CENPW: variants seen among roughly 807,000 people sequenced by gnomAD.
CENPW encodes the protein cancer-up-regulated gene 2 protein.
A neutral mutation model predicts 11.1 loss-of-function variants in CENPW; 3 were observed. The observed-to-expected ratio is 0.27, with a 90% confidence interval of 0.12 to 0.70. The LOEUF (loss-of-function observed/expected upper bound fraction) is 0.70. Among genes scored for constraint, CENPW ranks in the 30% least tolerant of loss-of-function variants. The pLI, the probability that CENPW is intolerant of heterozygous loss-of-function variation, is 0.77. For synonymous variants in CENPW, 38 were observed against 42.0 expected (o/e 0.91, Z 0.37); for missense variants, 100 against 105.6 (o/e 0.95, Z 0.23).
chr6:126,350,567 G>T (rs2128290356), downstream of CENPW, among the ~76,000 whole-genome samples: 1 of 152,202 alleles, frequency 6.6e-6, no homozygotes, highest in South Asian at 2.1e-4. Context: ...AATTTTGGGG[G>T]ACACAAACAT....
chr6:126,353,270 C>G (rs1462916026), downstream of CENPW, among the ~76,000 whole-genome samples: 9 of 148,648 alleles, frequency 6.1e-5, no homozygotes, highest in African/African-American at 9.9e-5. Context: ...TACTATTTTC[C>G]TGTAGTAACT....
At chr6:126,463,120 C>G in the CENPW span, among the ~76,000 whole-genome samples, 6 of 152,064 alleles carry the variant, frequency 3.9e-5, no homozygotes, top group South Asian at 1.2e-3. Context: ...TGACATTATA[C>G]AGACACATTC....
At chr6:126,381,619 C>T in the CENPW span, among the ~76,000 whole-genome samples, 1 of 152,106 alleles carries the variant, frequency 6.6e-6, no homozygotes, top group Admixed American at 6.5e-5. Flanking sequence ...ATCTCAGCAC[C>T]CTCTAGCACC....
At chr6:126,425,267 T>C in the CENPW span, among the ~76,000 whole-genome samples, 1 of 152,130 alleles carries the variant, frequency 6.6e-6, no homozygotes, top group Non-Finnish European at 1.5e-5. Flanking sequence ...AAAAAATTAC[T>C]TGGCAGGAAA....
At chr6:126,414,703 A>G in the CENPW span, among the ~76,000 whole-genome samples, 2 of 152,048 alleles carry the variant, frequency 1.3e-5, no homozygotes, top group Non-Finnish European at 2.9e-5. Flanking sequence ...TGACCGAATG[A>G]TGCATCTCAA....
the CENPW span, among the ~76,000 whole-genome samples, chr6:126,425,317 C>G: frequency 6.6e-6 from 1 of 152,038 alleles, no homozygotes; most frequent in Non-Finnish European, 1.5e-5. Flanking sequence ...CTTTCCTTTC[C>G]TTCTGTAGTG....
the CENPW span, among the ~76,000 whole-genome samples, chr6:126,419,595 AATAAC>A: frequency 1.3e-5 from 2 of 152,206 alleles, no homozygotes; most frequent in African/African-American, 4.8e-5. Context: ...TACACAAACC[AATAAC>A]ATAACACAAA....
the CENPW span, among the ~76,000 whole-genome samples, chr6:126,364,098 G>C: frequency 1.3e-5 from 2 of 152,104 alleles, no homozygotes; most frequent in African/African-American, 4.8e-5. Context: ...TGTACTCTAG[G>C]CTTAGTTCTA....
the CENPW span, among the ~76,000 whole-genome samples, chr6:126,369,645 T>C: frequency 6.6e-6 from 1 of 152,208 alleles, no homozygotes. Flanking sequence ...TTCTTGCTGA[T>C]GTTTTTGAGT....
the CENPW span, among the ~76,000 whole-genome samples, chr6:126,421,751 C>T: frequency 3.3e-5 from 5 of 152,020 alleles, no homozygotes; most frequent in East Asian, 1.9e-4. Context: ...AGATTGTAGC[C>T]GAATGAATGC....
At chr6:126,402,928 T>A in the CENPW span, among the ~76,000 whole-genome samples, 1 of 152,070 alleles carries the variant, frequency 6.6e-6, no homozygotes, top group Non-Finnish European at 1.5e-5. Context: ...GTGGAGCAAG[T>A]CTATCAATGC....
the CENPW span, among the ~76,000 whole-genome samples, chr6:126,472,975 C>A: frequency 6.6e-6 from 1 of 152,174 alleles, no homozygotes. Flanking sequence ...AGATGCTCAA[C>A]ATTATTAGAC....
the CENPW span, among the ~76,000 whole-genome samples, chr6:126,389,028 TTC>T: frequency 6.6e-6 from 1 of 150,568 alleles, no homozygotes; most frequent in Non-Finnish European, 1.5e-5. Context: ...GTAGATCTCA[TTC>T]TGTTTCCTAA....
At chr6:126,428,465 T>C in the CENPW span, among the ~76,000 whole-genome samples, 3 of 152,324 alleles carry the variant, frequency 2.0e-5, no homozygotes, top group African/African-American at 7.2e-5. Context: ...AGAGTTAATA[T>C]GTTCCTTTGT....
At chr6:126,459,135 G>A in the CENPW span, among the ~76,000 whole-genome samples, 8 of 151,294 alleles carry the variant, frequency 5.3e-5, no homozygotes, top group Non-Finnish European at 1.0e-4. Flanking sequence ...GCCTATTTCT[G>A]TTCTGATTTT....
At chr6:126,412,770 C>T in the CENPW span, among the ~76,000 whole-genome samples, 1 of 152,066 alleles carries the variant, frequency 6.6e-6, no homozygotes, top group Non-Finnish European at 1.5e-5. Flanking sequence ...TTTTTTCCTA[C>T]CTTTTTTAGA....
chr6:126,400,266 C>T, the CENPW span, among the ~76,000 whole-genome samples: 1 of 152,028 alleles, frequency 6.6e-6, no homozygotes, highest in Admixed American at 6.6e-5. Context: ...TTTAATCATT[C>T]TGTTATCTCA....
chr6:126,413,246 G>A, the CENPW span, among the ~76,000 whole-genome samples: 11 of 152,192 alleles, frequency 7.2e-5, no homozygotes, highest in African/African-American at 2.6e-4. Flanking sequence ...TCTCAAAATA[G>A]ATTCAACGCA....
the CENPW span, among the ~76,000 whole-genome samples, chr6:126,359,668 C>T: frequency 6.6e-6 from 1 of 151,882 alleles, no homozygotes; most frequent in Non-Finnish European, 1.5e-5. Flanking sequence ...TTTATCATTA[C>T]ATAATGCCTG....
Sources: gnomAD v4.1 joint callset for allele counts (sites outside exome capture counted in the v4.1 genomes callset) on GRCh38, gnomAD v4.1.1 for gene constraint, MANE v1.5 for transcripts, NCBI Gene and HGNC (gene_info 2026-07-23, HGNC 2026-07-21) for gene names.